L3MBTL4: variants seen among roughly 807,000 people sequenced by gnomAD.
L3MBTL4 encodes lethal(3)malignant brain tumor-like protein 4.
In L3MBTL4, 70 loss-of-function variants were observed where a neutral mutation model predicts 84.5. The ratio of observed to expected loss-of-function variants is 0.83; its 90% confidence interval spans 0.68 to 1.01. The LOEUF is 1.01. Among genes scored for constraint, L3MBTL4 ranks in the 50% least tolerant of loss-of-function variants. The pLI is 0.00. For synonymous variants in L3MBTL4, 274 were observed against 259.8 expected, an observed-to-expected ratio of 1.05 and a Z score of -0.52; for missense variants, 715 against 754.8, an observed-to-expected ratio of 0.95 and a Z score of 0.62.
intron 16 of L3MBTL4, 31 bp downstream of exon 16, chr18:6,080,850 T>G (rs370830786): frequency 2.1e-6 from 3 of 1,449,544 alleles, no homozygotes; most frequent in Non-Finnish European, 2.9e-6. Flanking sequence ...AAAAAGTATA[T>G]TCTGTGTTTT....
intron 14 of L3MBTL4, among the ~76,000 whole-genome samples, chr18:6,136,200 T>C (rs1347775229): frequency 1.3e-5 from 2 of 152,116 alleles, no homozygotes; most frequent in Non-Finnish European, 2.9e-5. Context: ...TTTTGGGAGA[T>C]ACAATTCAAG....
At chr18:6,401,929 C>A (rs1164254669) in intron 1 of L3MBTL4, among the ~76,000 whole-genome samples, 1 of 152,236 alleles carries the variant, frequency 6.6e-6, no homozygotes, top group East Asian at 1.9e-4. Flanking sequence ...TCAATCCAAA[C>A]CTCCACAATG....
intron 1 of L3MBTL4, chr18:6,397,716 C>T (rs117756371): frequency 6.6e-6 from 1 of 152,086 alleles, no homozygotes; most frequent in African/African-American, 2.4e-5. Flanking sequence ...ATTAGCCAGG[C>T]ATTGTGGTTT....
chr18:6,114,410 T>C (rs2059294376), intron 14 of L3MBTL4, among the ~76,000 whole-genome samples: 1 of 152,252 alleles, frequency 6.6e-6, no homozygotes, highest in African/African-American at 2.4e-5. Context: ...TCTTTTTCTG[T>C]GCTTCTTTTA....
At chr18:5,965,149 C>T (rs1203687928) in intron 17 of L3MBTL4, among the ~76,000 whole-genome samples, 1 of 152,178 alleles carries the variant, frequency 6.6e-6, no homozygotes, top group African/African-American at 2.4e-5. Flanking sequence ...GCTCTCATCT[C>T]GTCTGGTCTT....
intron 16 of L3MBTL4, among the ~76,000 whole-genome samples, chr18:5,986,654 C>T (rs889267611): frequency 6.6e-6 from 1 of 152,184 alleles, no homozygotes; most frequent in Non-Finnish European, 1.5e-5. Context: ...TGTGCCAGAG[C>T]GAGCCTTCCC....
At chr18:6,303,359 G>A (rs1197223630) in intron 3 of L3MBTL4, among the ~76,000 whole-genome samples, 1 of 152,084 alleles carries the variant, frequency 6.6e-6, no homozygotes, top group Non-Finnish European at 1.5e-5. Flanking sequence ...GACCTCAAGT[G>A]ATCTGCCCAC....
intron 14 of L3MBTL4, among the ~76,000 whole-genome samples, chr18:6,131,603 A>C (rs1165091149): frequency 6.6e-6 from 1 of 152,188 alleles, no homozygotes; most frequent in Non-Finnish European, 1.5e-5. Flanking sequence ...GATTATATTA[A>C]TAGTACACCT....
intron 1 of L3MBTL4, among the ~76,000 whole-genome samples, chr18:6,350,342 T>A (rs866481006): frequency 1.3e-4 from 20 of 152,182 alleles, no homozygotes; most frequent in Admixed American, 2.6e-4. Context: ...TATTTGCAAA[T>A]CATGTATCTC....
intron 4 of L3MBTL4, among the ~76,000 whole-genome samples, chr18:6,289,074 A>T (rs943427062): frequency 6.6e-6 from 1 of 152,050 alleles, no homozygotes; most frequent in Non-Finnish European, 1.5e-5. Flanking sequence ...TGTTGTCCTA[A>T]GATAAAATGA....
intron 10 of L3MBTL4, among the ~76,000 whole-genome samples, chr18:6,222,651 A>G (rs981981040): frequency 6.6e-6 from 1 of 152,146 alleles, no homozygotes; most frequent in Non-Finnish European, 1.5e-5. Flanking sequence ...TATTCCACTG[A>G]GTGACACTCT....
chr18:6,081,059 A>G (rs2058061067), intron 15 of L3MBTL4, 108 bp from the exon 16 acceptor site: 1 of 725,668 alleles, frequency 1.4e-6, no homozygotes, highest in Non-Finnish European at 2.2e-6. Context: ...ACAATAGTGA[A>G]TTGGCAGGTA....
intron 14 of L3MBTL4, among the ~76,000 whole-genome samples, chr18:6,121,767 T>C (rs2059538036): frequency 6.6e-6 from 1 of 151,740 alleles, no homozygotes; most frequent in African/African-American, 2.4e-5. Context: ...CAAAAGTTCA[T>C]GGTTTGAAAA....
chr18:6,066,852 G>A (rs896209790), intron 16 of L3MBTL4, among the ~76,000 whole-genome samples: 32 of 149,520 alleles, frequency 2.1e-4, no homozygotes, highest in African/African-American at 5.1e-4. Flanking sequence ...GGCCGTTTAC[G>A]TTCAGCATTA....
chr18:6,086,992 C>A (rs1475611097), intron 15 of L3MBTL4, among the ~76,000 whole-genome samples: 3 of 152,172 alleles, frequency 2.0e-5, no homozygotes, highest in Non-Finnish European at 4.4e-5. Context: ...CAGGAGCCAT[C>A]CCACCTAAGT....
chr18:6,036,828 A>C (rs1397028911), intron 16 of L3MBTL4, among the ~76,000 whole-genome samples: 1 of 152,166 alleles, frequency 6.6e-6, no homozygotes, highest in Non-Finnish European at 1.5e-5. Flanking sequence ...GATTAGCCTG[A>C]GGTATAAACA....
At chr18:6,004,043 T>C (rs2054347986) in intron 16 of L3MBTL4, among the ~76,000 whole-genome samples, 1 of 151,238 alleles carries the variant, frequency 6.6e-6, no homozygotes, top group Non-Finnish European at 1.5e-5. Flanking sequence ...GAAAATAAAA[T>C]AAAATAAGAG....
intron 14 of L3MBTL4, among the ~76,000 whole-genome samples, chr18:6,129,368 C>CTGTGTGTGTGTGTGTG (rs772735191): frequency 4.4e-4 from 61 of 138,302 alleles, no homozygotes; most frequent in African/African-American, 1.2e-3. Flanking sequence ...GGAATTCTCT[C>CTGTGTGTGTGTGTGTG]TGTGTGTGTG....
At chr18:6,272,559 A>G (rs1599432916) in intron 4 of L3MBTL4, among the ~76,000 whole-genome samples, 2 of 67,206 alleles carry the variant, frequency 3.0e-5, no homozygotes, top group South Asian at 4.4e-4. Flanking sequence ...TAAGGAACAC[A>G]GAAGAGTTCT....
Sources: gnomAD v4.1 joint callset for allele counts (sites outside exome capture counted in the v4.1 genomes callset) on GRCh38, gnomAD v4.1.1 for gene constraint, MANE v1.5 for transcripts, NCBI Gene and HGNC (gene_info 2026-07-23, HGNC 2026-07-21) for gene names.